Variants in COPS7B observed in about 807,000 individuals in gnomAD.
COPS7B encodes COP9 signalosome subunit 7B, also known as COP9 signalosome complex subunit 7b.
In COPS7B, 9 loss-of-function variants were observed where a neutral mutation model predicts 33.4. The observed-to-expected ratio is 0.27, with a 90% CI of 0.16 to 0.47. COPS7B has a LOEUF of 0.47. Ranked by LOEUF, COPS7B falls within the 20% of genes least tolerant of loss-of-function variation. COPS7B has a pLI of 0.99. For missense variants in COPS7B, 242 were observed against 318.2 expected, an observed-to-expected ratio of 0.76 and a Z score of 1.82; for synonymous variants, 119 against 126.3, an observed-to-expected ratio of 0.94 and a Z score of 0.39.
chr2:231,801,386 G>C (rs2049739888), intron 6 of COPS7B: 1 of 781,956 alleles, frequency 1.3e-6, no homozygotes, highest in South Asian at 5.8e-5. Context: ...CTGTGGTGGG[G>C]AGGTAATACT....
intron 6 of COPS7B, among the ~76,000 whole-genome samples, chr2:231,802,374 G>T (rs767188006): frequency 6.6e-6 from 1 of 152,078 alleles, no homozygotes; most frequent in African/African-American, 2.4e-5. Flanking sequence ...GTTTCCTCTC[G>T]TCTGCCTTTG....
At chr2:231,791,631 C>A in intron 2 of COPS7B, 102 bp from the exon 3 acceptor site, 1 of 940,896 alleles carries the variant, frequency 1.1e-6, no homozygotes, top group Non-Finnish European at 1.7e-6. Flanking sequence ...ACAGAATAAA[C>A]AGCCATGGCA....
intron 6 of COPS7B, among the ~76,000 whole-genome samples, chr2:231,800,692 G>T (rs897465931): frequency 3.3e-5 from 5 of 152,214 alleles, no homozygotes; most frequent in Non-Finnish European, 5.9e-5. Context: ...CACAGAGGGT[G>T]GGTGTGTGCA....
At chr2:231,807,094 A>G (rs1358993490) in intron 6 of COPS7B, among the ~76,000 whole-genome samples, 14 of 152,234 alleles carry the variant, frequency 9.2e-5, no homozygotes, top group Admixed American at 5.9e-4. Flanking sequence ...GGTTTATTCA[A>G]GAAGGTTCAT....
At chr2:231,795,894 A>C (rs1263269787) in intron 4 of COPS7B, among the ~76,000 whole-genome samples, 1 of 152,192 alleles carries the variant, frequency 6.6e-6, no homozygotes, top group East Asian at 1.9e-4. Flanking sequence ...GAAGCCAAGG[A>C]GGCAGAGAAC....
At chr2:231,806,187 GTC>G in intron 6 of COPS7B, among the ~76,000 whole-genome samples, 1 of 152,170 alleles carries the variant, frequency 6.6e-6, no homozygotes, top group East Asian at 1.9e-4. Context: ...CATTTGGACT[GTC>G]TCTTACCCTC....
Position 231,796,121 on chromosome 2 carries a change from G to T in COPS7B, c.343G>T (p.Val115Leu), listed in dbSNP as rs779664668. The T allele has an allele frequency of 3.7e-6, 6 of 1,613,774 alleles. No homozygotes were observed. The Admixed American group carries it at 1.0e-4, about 27-fold the overall frequency. Reference sequence around the variant, plus strand: ...TTATCTACAGTGTATCCCCTACTCCGTGTTGCTGAAAGACCTGGAGATGCG... The same window carrying T: ...TTATCTACAGTGTATCCCCTACTCCTTGTTGCTGAAAGACCTGGAGATGCG... ...ASRMKCIPYSVLLKDLEMRNL... is the reference protein window; with the variant it reads ...ASRMKCIPYSLLLKDLEMRNL... Residue 115 changes from valine (V) to leucine (L), a missense_variant, in exon 5 of 7, where the codon GTG becomes TTG. Coordinates refer to ENST00000350033, the MANE Select transcript of COPS7B (RefSeq NM_022730.4).
intron 5 of COPS7B, among the ~76,000 whole-genome samples, chr2:231,798,397 C>T (rs1475168608): frequency 1.3e-5 from 2 of 151,670 alleles, no homozygotes; most frequent in African/African-American, 4.8e-5. Context: ...GCTGGGATTA[C>T]AGGCACCCGC....
At chr2:231,796,410 T>C (rs2049572264) in intron 5 of COPS7B, 102 bp downstream of exon 5, 2 of 1,018,460 alleles carry the variant, frequency 2.0e-6, no homozygotes, top group Admixed American at 2.1e-5. Context: ...GGTGGGCCTG[T>C]AGCTACCTGG....
In COPS7B at chr2:231,809,140, C is replaced by T. The variant is rs527613518; in HGVS notation, c.*1495C>T. On this transcript the variant is annotated 3_prime_UTR_variant, in exon 7 of 7. Coordinates refer to ENST00000350033, the MANE Select transcript of COPS7B (RefSeq NM_022730.4). ...ATCCATGTGCCCACATAACATTATG[C>T]CCAAGTGGAGAGTTCACTTTAATTT... is the stretch of plus-strand genomic sequence containing the variant. 6.6e-6 allele frequency: 1 copy of T among 152,204 alleles called. No individual in the cohort carries two copies. Among genetic ancestry groups the T allele is most frequent in the South Asian group, 2.1e-4 (1 of 4,822 alleles). 9.4% of individuals were successfully genotyped at this position (152,204 alleles called of 1,614,324 possible).
chr2:231,784,613 C>T (rs2049197060), upstream of COPS7B, among the ~76,000 whole-genome samples: 3 of 152,188 alleles, frequency 2.0e-5, no homozygotes, highest in Non-Finnish European at 1.5e-5. Flanking sequence ...TCCTCTCACT[C>T]TCATATTTGT....
At chr2:231,800,269 T>C (rs2049706391) in intron 6 of COPS7B, among the ~76,000 whole-genome samples, 1 of 152,226 alleles carries the variant, frequency 6.6e-6, no homozygotes, top group African/African-American at 2.4e-5. Context: ...TATTTAACAT[T>C]AGTCCAAAGC....
chr2:231,801,130 C>T, intron 6 of COPS7B: 1 of 1,550,244 alleles, frequency 6.5e-7, no homozygotes, highest in Non-Finnish European at 8.7e-7. Flanking sequence ...TTTATTTGTC[C>T]TTAAATTAGA....
At chr2:231,804,648 TG>T (rs1465537733) in intron 6 of COPS7B, among the ~76,000 whole-genome samples, 3 of 152,244 alleles carry the variant, frequency 2.0e-5, no homozygotes, top group Non-Finnish European at 4.4e-5. Context: ...TTTTTGGTTT[TG>T]TTTTTTTAAT....
At chr2:231,800,652 T>C (rs2049717760) in intron 6 of COPS7B, among the ~76,000 whole-genome samples, 2 of 152,176 alleles carry the variant, frequency 1.3e-5, no homozygotes, top group South Asian at 4.1e-4. Flanking sequence ...TACACAACAG[T>C]GTAGACTCTT....
intron 6 of COPS7B, among the ~76,000 whole-genome samples, chr2:231,801,869 G>C (rs1406178296): frequency 6.6e-6 from 1 of 151,986 alleles, no homozygotes; most frequent in Non-Finnish European, 1.5e-5. Flanking sequence ...CCGCCTCCTG[G>C]GTTCAAGCAA....
rs773865333 is a variant in COPS7B at position 231,791,821 on chromosome 2, A to G, written c.238+13A>G. On this transcript the variant is annotated intron_variant, in intron 3 of 6. Coordinates refer to ENST00000350033, the MANE Select transcript of COPS7B (RefSeq NM_022730.4). ...CCAGATTACATAGGTGAGTTGGTGA[A>G]GATCCTTCAAAAGACTTGTGTTAAT... 11 of 1,608,194 alleles carry G rather than the reference A, an allele frequency of 6.8e-6. No homozygotes were observed. The East Asian group carries it at 2.5e-4, about 36-fold the overall frequency.
chr2:231,781,749 G>C, upstream of COPS7B: 1 of 1,318,250 alleles, frequency 7.6e-7, no homozygotes, highest in Non-Finnish European at 1.1e-6. Context: ...TCACAAACCC[G>C]CCCGCTGAGT....
chr2:231,796,388 C>T lies in COPS7B; in HGVS notation c.530+80C>T, dbSNP rs1402725207. On this transcript the variant is annotated intron_variant, in intron 5 of 6. Transcript: ENST00000350033. ...CAAAAATGTGATTCCCTGGTGTCAG[C>T]TGAGGGTTTGGGGTGGGCCTGTAGC... 3.6e-6 allele frequency: 5 copies of T among 1,382,992 alleles called. No homozygotes were observed. The East Asian group carries it at 1.2e-4, about 33-fold the overall frequency. 85.7% of individuals were successfully genotyped at this position (1,382,992 alleles called of 1,614,324 possible). A position where few individuals can be genotyped will look rare whatever the true frequency, so the allele number is the denominator to read the frequency against.
Sources: gnomAD v4.1 joint callset for allele counts (sites outside exome capture counted in the v4.1 genomes callset) on GRCh38, gnomAD v4.1.1 for gene constraint, MANE v1.5 for transcripts, NCBI Gene and HGNC (gene_info 2026-07-23, HGNC 2026-07-21) for gene names.